The following KCNH1 variants were observed in gnomAD, a reference collection of about 807,000 sequenced individuals.
KCNH1 encodes voltage-gated delayed rectifier potassium channel KCNH1.
Under a neutral mutation model 69.2 loss-of-function variants are expected in KCNH1, and 27 were observed. That is an observed-to-expected ratio of 0.39 (90% CI 0.29 to 0.54). The LOEUF (loss-of-function observed/expected upper bound fraction) is 0.54, where lower values mean the gene tolerates loss of function less well. Ranked by LOEUF, KCNH1 falls within the 20% of genes least tolerant of loss-of-function variation. KCNH1 has a pLI of 0.68. For synonymous variants in KCNH1, 456 were observed against 487.7 expected (o/e 0.93, Z 0.86); for missense variants, 798 against 1,261.6 (o/e 0.63, Z 5.57).
At chr1:210,918,889 A>C (rs893728302) in intron 7 of KCNH1, 2 of 152,378 alleles carry the variant, frequency 1.3e-5, no homozygotes, top group Non-Finnish European at 2.9e-5. Context: ...TAACCGATAC[A>C]TCAGAAATAT....
intron 5 of KCNH1, among the ~76,000 whole-genome samples, chr1:211,027,677 C>T (rs973945): frequency 0.7 from 105,901 of 151,678 alleles, 37,619 homozygotes; most frequent in African/African-American, 0.83. Context: ...ACAATAGAAA[C>T]TGTCCTATAA....
intron 10 of KCNH1, among the ~76,000 whole-genome samples, chr1:210,695,380 C>G (rs779167763): frequency 1.3e-5 from 2 of 152,226 alleles, no homozygotes; most frequent in Admixed American, 6.5e-5. Flanking sequence ...CACTTGAGTT[C>G]TTGGTATATA....
intron 7 of KCNH1, among the ~76,000 whole-genome samples, chr1:210,811,337 G>A (rs757389158): frequency 6.6e-6 from 1 of 152,148 alleles, no homozygotes; most frequent in Non-Finnish European, 1.5e-5. Flanking sequence ...ACTTGTAGAG[G>A]TACTTATTGT....
intron 6 of KCNH1, among the ~76,000 whole-genome samples, chr1:210,982,926 C>T (rs1198661181): frequency 1.3e-5 from 2 of 152,194 alleles, no homozygotes; most frequent in South Asian, 2.1e-4. Flanking sequence ...TCCTCTCCAG[C>T]ACCTGCTGTT....
intron 6 of KCNH1, among the ~76,000 whole-genome samples, chr1:210,999,109 G>A (rs1465982565): frequency 4.6e-5 from 7 of 152,048 alleles, no homozygotes; most frequent in East Asian, 1.9e-4. Context: ...AAGAACTAGA[G>A]AAGCAAGAGC....
intron 5 of KCNH1, among the ~76,000 whole-genome samples, chr1:211,039,393 C>G (rs1689951878): frequency 6.6e-6 from 1 of 152,186 alleles, no homozygotes; most frequent in South Asian, 2.1e-4. Flanking sequence ...TGGGGTCAGA[C>G]CCCACACAGA....
chr1:211,095,543 A>G (rs1222840873), intron 3 of KCNH1, among the ~76,000 whole-genome samples: 1 of 152,212 alleles, frequency 6.6e-6, no homozygotes, highest in African/African-American at 2.4e-5. Context: ...CCAGATAACA[A>G]AACAGCAAGG....
intron 6 of KCNH1, among the ~76,000 whole-genome samples, chr1:210,978,573 T>C (rs2102374957): frequency 6.6e-6 from 1 of 152,320 alleles, no homozygotes; most frequent in East Asian, 1.9e-4. Flanking sequence ...TAGATACTGA[T>C]TTTTCCCCAC....
chr1:210,815,441 T>C (rs932997492), intron 7 of KCNH1, among the ~76,000 whole-genome samples: 3 of 152,116 alleles, frequency 2.0e-5, no homozygotes, highest in African/African-American at 4.8e-5. Flanking sequence ...TAGCAACACC[T>C]TGATGGAAAT....
intron 7 of KCNH1, among the ~76,000 whole-genome samples, chr1:210,833,812 T>A (rs1393421241): frequency 6.6e-6 from 1 of 152,124 alleles, no homozygotes; most frequent in Non-Finnish European, 1.5e-5. Context: ...ATCCAGAATC[T>A]ACAATGAACT....
intron 5 of KCNH1, among the ~76,000 whole-genome samples, chr1:211,050,989 TTTGTTG>T (rs6143600): frequency 2.7e-5 from 4 of 150,498 alleles, no homozygotes; most frequent in South Asian, 2.2e-4. Flanking sequence ...ATATTTTTGT[TTTGTTG>T]TTGTTGTTGT....
chr1:210,908,238 G>A (rs1293487314), intron 7 of KCNH1, among the ~76,000 whole-genome samples: 1 of 152,190 alleles, frequency 6.6e-6, no homozygotes, highest in Non-Finnish European at 1.5e-5. Flanking sequence ...ACACATAGTA[G>A]GGTTTTGATA....
At chr1:211,062,856 T>C (rs1198984982) in intron 5 of KCNH1, among the ~76,000 whole-genome samples, 1 of 152,212 alleles carries the variant, frequency 6.6e-6, no homozygotes, top group Non-Finnish European at 1.5e-5. Context: ...AAACTCTTGT[T>C]AGAAATGGAA....
intron 10 of KCNH1, among the ~76,000 whole-genome samples, chr1:210,694,689 G>T (rs917279672): frequency 6.6e-6 from 1 of 152,226 alleles, no homozygotes; most frequent in Non-Finnish European, 1.5e-5. Context: ...TCACAGCTTT[G>T]TACGTCCATT....
At chr1:210,954,506 T>C (rs1688129805) in intron 6 of KCNH1, among the ~76,000 whole-genome samples, 1 of 152,220 alleles carries the variant, frequency 6.6e-6, no homozygotes, top group South Asian at 2.1e-4. Context: ...GTTGAACTAA[T>C]TTACACTCCC....
intron 6 of KCNH1, among the ~76,000 whole-genome samples, chr1:210,983,605 G>A (rs1299439586): frequency 6.6e-6 from 1 of 152,148 alleles, no homozygotes; most frequent in Non-Finnish European, 1.5e-5. Context: ...TATTTCTGAG[G>A]GCTCTGTTCT....
chr1:211,038,646 ACT>A (rs1689940643), intron 5 of KCNH1, among the ~76,000 whole-genome samples: 1 of 152,134 alleles, frequency 6.6e-6, no homozygotes, highest in African/African-American at 2.4e-5. Context: ...GAGATGAGGA[ACT>A]TGTTGGGGAC....
intron 7 of KCNH1, among the ~76,000 whole-genome samples, chr1:210,887,089 TA>T (rs1224562745): frequency 6.6e-6 from 1 of 151,982 alleles, no homozygotes; most frequent in Non-Finnish European, 1.5e-5. Context: ...CCAAGACACA[TA>T]ATCTTCAGAT....
In KCNH1 at chr1:210,679,534, C is replaced by T. The variant is rs1051965589; in HGVS notation, c.*3747G>A. ...TGAGAATCTTCCTATACCTAGTCTT[C>T]CTATACCTAGTATTCCTAAAGAGTT... On this transcript the variant is annotated 3_prime_UTR_variant, in exon 11 of 11. Transcript: ENST00000271751. 2.6e-5 allele frequency: 4 copies of T among 152,224 alleles called. No individual in the cohort carries two copies. The highest frequency in any genetic ancestry group is 9.7e-5 in the African/African-American group (4 of 41,444). The allele number at this position is 152,224 out of a possible 1,614,324, so 9.4% of individuals were successfully genotyped here. A position where few individuals can be genotyped will look rare whatever the true frequency, so the allele number is the denominator to read the frequency against.
Sources: gnomAD v4.1 joint callset for allele counts (sites outside exome capture counted in the v4.1 genomes callset) on GRCh38, gnomAD v4.1.1 for gene constraint, MANE v1.5 for transcripts, NCBI Gene and HGNC (gene_info 2026-07-23, HGNC 2026-07-21) for gene names.